The following RBP3 variants were observed in gnomAD, a reference collection of about 807,000 sequenced individuals.
The protein encoded by RBP3 is retinol-binding protein 3.
RBP3 carries 50 observed loss-of-function variants against 64.8 expected under a neutral mutation model. The ratio of observed to expected loss-of-function variants is 0.77; its 90% CI spans 0.61 to 0.98. The LOEUF (loss-of-function observed/expected upper bound fraction) is 0.98, where lower values mean the gene tolerates loss of function less well. Among genes scored for constraint, RBP3 ranks in the 50% least tolerant of loss-of-function variants. The pLI is 0.00. For missense variants in RBP3, 1,712 were observed against 1,660.5 expected (o/e 1.03, Z -0.54); for synonymous variants, 828 against 730.2 (o/e 1.13, Z -2.16).
chr10:47,356,960 C>A, intron 3 of RBP3, 142 bp from the exon 4 acceptor site: 1 of 679,632 alleles, frequency 1.5e-6, no homozygotes, highest in Non-Finnish European at 2.5e-6. Flanking sequence ...TCAGAGAAGT[C>A]AAGTGGCTCA....
rs1836959357 is a variant in RBP3, at chr10:47,350,890, G to C, written c.2406G>C (p.Glu802Asp). 6.2e-7 allele frequency: 1 copy of C among 1,611,732 alleles called. No homozygotes were observed. Among genetic ancestry groups the C allele is most frequent in the Non-Finnish European group, 8.5e-7 (1 of 1,179,654 alleles). ...CGCTGCTCTGCTCCTACTTCTTTGA[G>C]GCAGAGCCCCGCCAGCACCTGTATT... ...AIPLLCSYFF[E>D]AEPRQHLYSV... Residue 802 changes from glutamate (E) to aspartate (D), a missense_variant, in exon 1 of 4, where the codon GAG becomes GAC. Transcript: ENST00000584701.
At position 47,355,421 on chromosome 10, in the gene RBP3, C is replaced by T; in HGVS notation, c.3291C>T (p.Ser1097=). 1 of 1,614,194 alleles carries T rather than the reference C, an allele frequency of 6.2e-7. No individual in the cohort carries two copies. The highest frequency in any genetic ancestry group is 8.5e-7 in the Non-Finnish European group (1 of 1,180,046). Residue 1097 remains serine (S), a synonymous_variant, in exon 3 of 4, where the codon TCC becomes TCT. Coordinates refer to ENST00000584701, the MANE Select transcript of RBP3 (RefSeq NM_002900.3). The part of the protein sequence containing the change: ...GPTSSIPILC[S]YFFDEGPPVL... ...CATCCTCCATTCCCATCTTGTGCTCCTACTTCTTTGATGAAGGCCCTCCAG... is the reference window on the plus strand; with the variant it reads ...CATCCTCCATTCCCATCTTGTGCTCTTACTTCTTTGATGAAGGCCCTCCAG...
rs1555211210 is a variant in RBP3, at chr10:47,349,902, A to G, written c.1418A>G (p.His473Arg). 1 of 1,612,920 alleles carries G rather than the reference A, an allele frequency of 6.2e-7. No homozygotes were observed. Among genetic ancestry groups the G allele is most frequent in the Non-Finnish European group, 8.5e-7 (1 of 1,179,880 alleles). Reference protein sequence around the residue: ...QVWEPLQDTEHLIMDLRHNPG... With the variant: ...QVWEPLQDTERLIMDLRHNPG... ...TGGGAGCCGCTACAGGACACGGAGC[A>G]CCTCATCATGGACCTGCGCCACAAC... Residue 473 changes from histidine (H) to arginine (R), a missense_variant, in exon 1 of 4, where the codon CAC becomes CGC. By Grantham distance (29) the His-to-Arg change is conservative. Transcript: ENST00000584701.
At position 47,349,647 on chromosome 10, in the gene RBP3, G is replaced by A. The variant is rs141006781; in HGVS notation, c.1163G>A (p.Arg388Gln). Residue 388 changes from arginine to glutamine, a missense_variant, in exon 1 of 4, where the codon CGA becomes CAA. Transcript: ENST00000584701. Reference protein sequence around the residue: ...AASEDPRLLVRAIGPTETPSW... With the variant: ...AASEDPRLLVQAIGPTETPSW... Reference sequence around the variant, plus strand: ...TCTGAGGATCCCAGGCTCCTGGTGCGAGCCATCGGGCCCACAGAAACTCCT... The same window carrying A: ...TCTGAGGATCCCAGGCTCCTGGTGCAAGCCATCGGGCCCACAGAAACTCCT... 2.4e-5 allele frequency: 38 copies of A among 1,612,298 alleles called. No individual in the cohort carries two copies. In the Admixed American group the frequency reaches 4.0e-4, roughly 17 times the overall value.
intron 3 of RBP3, 68 bp downstream of exon 3, chr10:47,355,586 C>CTT: frequency 6.2e-7 from 1 of 1,604,868 alleles, no homozygotes; most frequent in South Asian, 1.1e-5. Flanking sequence ...GGAAAGACAG[C>CTT]TTGGGTGTAG....
Position 47,348,398 on chromosome 10 carries a change from G to A in RBP3, c.-87G>A, listed in dbSNP as rs1008715971. ...TCCACCAGCTGAGAAGGACAAGGGC[G>A]GAAGGCAGCTGCACAGAGCAGGGCC... On this transcript the variant is annotated 5_prime_UTR_variant, in exon 1 of 4. Transcript: ENST00000584701. 3.4e-5 allele frequency: 50 copies of A among 1,468,352 alleles called. No homozygotes were observed. The highest frequency in any genetic ancestry group is 3.7e-4 in the Middle Eastern group (2 of 5,348). The allele number at this position is 1,468,352 out of a possible 1,614,324, so 91.0% of individuals were successfully genotyped here.
Position 47,348,448 on chromosome 10 carries a change from G to A in RBP3, c.-37G>A, listed in dbSNP as rs1224108699. Reference sequence around the variant, plus strand: ...CACGGCCTTGCACACAGTCCAGGGAGCTTTTGTGCAGGAGCCAGGCCTCCC... The same window carrying A: ...CACGGCCTTGCACACAGTCCAGGGAACTTTTGTGCAGGAGCCAGGCCTCCC... On this transcript the variant is annotated 5_prime_UTR_variant, in exon 1 of 4. Coordinates refer to ENST00000584701, the MANE Select transcript of RBP3 (RefSeq NM_002900.3). 6.3e-7 allele frequency: 1 copy of A among 1,595,740 alleles called. No individual in the cohort carries two copies. Among genetic ancestry groups the A allele is most frequent in the Non-Finnish European group, 8.5e-7 (1 of 1,178,508 alleles).
chr10:47,349,649 G>T lies in RBP3; in HGVS notation c.1165G>T (p.Ala389Ser). 1 of 1,612,266 alleles carries T rather than the reference G, an allele frequency of 6.2e-7. No individual in the cohort carries two copies. Residue 389 changes from alanine to serine, a missense_variant, in exon 1 of 4, where the codon GCC becomes TCC. Ala to Ser is a moderately conservative substitution (Grantham distance 99, BLOSUM62 1). Transcript: ENST00000584701. ...TGAGGATCCCAGGCTCCTGGTGCGA[G>T]CCATCGGGCCCACAGAAACTCCTTC... Reference protein sequence around the residue: ...ASEDPRLLVRAIGPTETPSWP... With the variant: ...ASEDPRLLVRSIGPTETPSWP...
chr10:47,350,353 G>A lies in RBP3; in HGVS notation c.1869G>A (p.Leu623=), dbSNP rs530786407. The change falls in exon 1 of 4, where the codon CTG becomes CTA. Residue 623 remains leucine (L), a synonymous_variant. Coordinates refer to ENST00000584701, the MANE Select transcript of RBP3 (RefSeq NM_002900.3). The part of the protein sequence containing the change: ...PDAIVLAEEA[L]DKAQEVLEFH... ...CCATCGTGCTGGCCGAGGAGGCCCT[G>A]GACAAAGCCCAGGAAGTGCTGGAGT... 44 of 1,612,342 alleles carry A rather than the reference G, an allele frequency of 2.7e-5. 1 individual carries two copies. The South Asian group carries it at 4.3e-4, about 16-fold the overall frequency.
rs782204948 is a variant in RBP3, at chr10:47,349,787, C to T, written c.1303C>T (p.Leu435=). The T allele has an allele frequency of 4.3e-6, 7 of 1,613,254 alleles. No individual in the cohort carries two copies. Among genetic ancestry groups the T allele is most frequent in the Non-Finnish European group, 5.9e-6 (7 of 1,180,030 alleles). ...GGACTCTGTGTTCCAGGTGTCGGTGCTGCCAGGCAATGTGGGCTACCTGCG... is the reference window on the plus strand; with the variant it reads ...GGACTCTGTGTTCCAGGTGTCGGTGTTGCCAGGCAATGTGGGCTACCTGCG... ...LVDSVFQVSV[L]PGNVGYLRFD... Residue 435 remains leucine (L), a synonymous_variant, in exon 1 of 4, where the codon CTG becomes TTG. Transcript: ENST00000584701.
In RBP3 at chr10:47,351,186, C is replaced by T; in HGVS notation, c.2702C>T (p.Ala901Val). Residue 901 changes from alanine (A) to valine (V), a missense_variant, in exon 1 of 4, where the codon GCC becomes GTC. Transcript: ENST00000584701. ...ASMPTQMAMS[A>V]TTGKAWDLAG... ...ATGCCCACCCAGATGGCCATGAGTGCCACCACAGGCAAGGCCTGGGACCTG... is the reference window on the plus strand; with the variant it reads ...ATGCCCACCCAGATGGCCATGAGTGTCACCACAGGCAAGGCCTGGGACCTG... 2 of 1,613,176 alleles carry T rather than the reference C, an allele frequency of 1.2e-6. No homozygotes were observed. The highest frequency in any genetic ancestry group is 1.7e-6 in the Non-Finnish European group (2 of 1,180,018).
Position 47,349,779 on chromosome 10 carries a change from T to C in RBP3, c.1295T>C (p.Val432Ala). ...RQALVDSVFQ[V>A]SVLPGNVGYL... Reference sequence around the variant, plus strand: ...GCACTGGTGGACTCTGTGTTCCAGGTGTCGGTGCTGCCAGGCAATGTGGGC... The same window carrying C: ...GCACTGGTGGACTCTGTGTTCCAGGCGTCGGTGCTGCCAGGCAATGTGGGC... Residue 432 changes from valine to alanine, a missense_variant, in exon 1 of 4, where the codon GTG becomes GCG. Transcript: ENST00000584701. 6.2e-7 allele frequency: 1 copy of C among 1,613,182 alleles called. No individual in the cohort carries two copies. The highest frequency in any genetic ancestry group is 8.5e-7 in the Non-Finnish European group (1 of 1,180,006).
chr10:47,351,085 C>A lies in RBP3; in HGVS notation c.2601C>A (p.Val867=). 1 of 1,612,350 alleles carries A rather than the reference C, an allele frequency of 6.2e-7. No individual in the cohort carries two copies. Among genetic ancestry groups the A allele is most frequent in the Non-Finnish European group, 8.5e-7 (1 of 1,179,984 alleles). ...TGCAGGACCTGCAGCGGGCCACGGT[C>A]ATTGGGGAGCCCACGGCCGGAGGCG... is the stretch of plus-strand genomic sequence containing the variant. ...HTMQDLQRAT[V]IGEPTAGGAL... Residue 867 remains valine (V), a synonymous_variant, in exon 1 of 4, where the codon GTC becomes GTA. Transcript: ENST00000584701.
At chr10:47,355,272 G>C (rs976689767) in intron 2 of RBP3, 104 bp from the exon 3 acceptor site, 1 of 1,472,912 alleles carries the variant, frequency 6.8e-7, no homozygotes, top group African/African-American at 1.4e-5. Context: ...AGGCTGCCAA[G>C]AATTAGAACC....
rs782468363 is a variant in RBP3, at chr10:47,351,356, G to A, written c.2872G>A (p.Gly958Arg). ...VADNYASAEL[G>R]AKMATKLSGL... is the part of the protein sequence containing the mutation. The stretch of plus-strand genomic sequence containing the variant: ...TGATAACTATGCCTCTGCCGAGCTG[G>A]GGGCCAAGATGGCCACCAAACTGAG... Residue 958 changes from glycine (G) to arginine (R), a missense_variant, in exon 1 of 4, where the codon GGG (glycine) becomes AGG (arginine). Transcript: ENST00000584701. 1 of 1,613,572 alleles carries A rather than the reference G, an allele frequency of 6.2e-7. No individual in the cohort carries two copies.
intron 3 of RBP3, among the ~76,000 whole-genome samples, chr10:47,356,702 A>T: frequency 6.6e-6 from 1 of 152,336 alleles, no homozygotes; most frequent in Middle Eastern, 3.4e-3. Context: ...CCTGTTGGAC[A>T]GTGCTGTCCT....
In RBP3 at chr10:47,348,602, T is replaced by G. The variant is rs2132252121; in HGVS notation, c.118T>G (p.Cys40Gly). 6.2e-7 allele frequency: 1 copy of G among 1,613,456 alleles called. No homozygotes were observed. Among genetic ancestry groups the G allele is most frequent in the Admixed American group, 1.7e-5 (1 of 60,030 alleles). The change falls in exon 1 of 4, where the codon TGC becomes GGC. Residue 40 changes from cysteine (C) to glycine (G), a missense_variant. Physicochemically the swap from Cys to Gly is radical, Grantham distance 159 (BLOSUM62 -3). Transcript: ENST00000584701. ...GGCCAAGGTCCTCTTGGATAACTAC[T>G]GCTTCCCGGAGAACCTGCTGGGCAT... ...DMAKVLLDNY[C>G]FPENLLGMQE...
intron 3 of RBP3, among the ~76,000 whole-genome samples, chr10:47,356,203 T>C (rs1481630627): frequency 6.6e-6 from 1 of 152,214 alleles, no homozygotes; most frequent in Admixed American, 6.5e-5. Flanking sequence ...ACCATTTTCA[T>C]GTCCATGCTT....
chr10:47,349,817 G>C lies in RBP3; in HGVS notation c.1333G>C (p.Asp445His), dbSNP rs569378041. ...LPGNVGYLRF[D>H]SFADASVLGV... ...AGGCAATGTGGGCTACCTGCGCTTC[G>C]ATAGTTTTGCTGACGCCTCCGTCCT... Residue 445 changes from aspartate to histidine, a missense_variant, in exon 1 of 4, where the codon GAT becomes CAT. Asp to His is a moderately conservative substitution (Grantham distance 81). Transcript: ENST00000584701. 118 of 1,613,288 alleles carry C rather than the reference G, an allele frequency of 7.3e-5. 1 individual carries two copies. The East Asian group carries it at 1.8e-3, about 24-fold the overall frequency.
Sources: gnomAD v4.1 joint callset for allele counts (sites outside exome capture counted in the v4.1 genomes callset) on GRCh38, gnomAD v4.1.1 for gene constraint, MANE v1.5 for transcripts, NCBI Gene and HGNC (gene_info 2026-07-23, HGNC 2026-07-21) for gene names.